The following CAPZA1 variants were observed in gnomAD, a reference collection of about 807,000 sequenced individuals.
CAPZA1 encodes the protein capping actin protein of muscle Z-line subunit alpha 1.
Under a neutral mutation model 40.8 loss-of-function variants are expected in CAPZA1, and 10 were observed. That is an observed-to-expected ratio of 0.25 (90% CI 0.15 to 0.42). CAPZA1 has a LOEUF of 0.42. Among genes scored for constraint, CAPZA1 ranks in the 10% least tolerant of loss-of-function variants. The pLI is 1.00. For synonymous variants in CAPZA1, 98 were observed against 115.0 expected, an observed-to-expected ratio of 0.85 and a Z score of 0.95; for missense variants, 277 against 353.8, an observed-to-expected ratio of 0.78 and a Z score of 1.74.
At chr1:112,653,900 A>G (rs1216271518) in intron 4 of CAPZA1, among the ~76,000 whole-genome samples, 2 of 152,238 alleles carry the variant, frequency 1.3e-5, no homozygotes, top group African/African-American at 4.8e-5. Flanking sequence ...TAAGTTTTAC[A>G]GGTTTTCCAG....
chr1:112,660,316 A>C (rs1475857375), intron 7 of CAPZA1, among the ~76,000 whole-genome samples: 8 of 152,028 alleles, frequency 5.3e-5, no homozygotes, highest in Non-Finnish European at 1.0e-4. Context: ...TTTTGCTCTT[A>C]TTGCCCAGGC....
intron 3 of CAPZA1, among the ~76,000 whole-genome samples, chr1:112,650,240 G>T (rs1358894596): frequency 6.6e-6 from 1 of 152,186 alleles, no homozygotes; most frequent in Admixed American, 6.5e-5. Context: ...CATTGGGTAT[G>T]ATATATAATT....
intron 3 of CAPZA1, among the ~76,000 whole-genome samples, chr1:112,650,790 A>G (rs760287507): frequency 5.9e-5 from 9 of 152,354 alleles, no homozygotes; most frequent in East Asian, 5.8e-4. Flanking sequence ...CCTCTTTCCA[A>G]TAGAACCAAA....
At chr1:112,645,549 A>G (rs1671262927) in intron 1 of CAPZA1, among the ~76,000 whole-genome samples, 1 of 152,082 alleles carries the variant, frequency 6.6e-6, no homozygotes, top group African/African-American at 2.4e-5. Flanking sequence ...CAGGAGGATC[A>G]CTTGAACCCA....
In CAPZA1 at chr1:112,669,533, C is replaced by G; in HGVS notation, c.658-10C>G. 1 of 1,595,764 alleles carries G rather than the reference C, an allele frequency of 6.3e-7. No homozygotes were observed. Among genetic ancestry groups the G allele is most frequent in the Non-Finnish European group, 8.6e-7 (1 of 1,164,162 alleles). On this transcript the variant is annotated splice_polypyrimidine_tract_variant and intron_variant, in intron 8 of 9. Coordinates refer to ENST00000263168, the MANE Select transcript of CAPZA1 (RefSeq NM_006135.3). ...AAATCTGATTTTCCCCTTCTTCCTT[C>G]CTTCATTAGAATGAAGCCCAAACTG...
Position 112,655,829 on chromosome 1 carries a change from C to G in CAPZA1, c.426+1158C>G, listed in dbSNP as rs149273698. 3.2e-4 allele frequency among the ~76,000 whole-genome samples: 48 copies of G among 152,288 alleles called. No homozygotes were observed. In the East Asian group the frequency reaches 7.7e-3, roughly 24 times the overall value. ...CCAGCTGCCTCGGACTCCCAAAGTGCTGGGATTACAGGCGTGAGCTGCTGC... is the reference window on the plus strand; with the variant it reads ...CCAGCTGCCTCGGACTCCCAAAGTGGTGGGATTACAGGCGTGAGCTGCTGC... On this transcript the variant is annotated intron_variant, in intron 5 of 9. Coordinates refer to ENST00000263168, the MANE Select transcript of CAPZA1 (RefSeq NM_006135.3).
intron 5 of CAPZA1, among the ~76,000 whole-genome samples, chr1:112,658,790 G>C (rs2932535): frequency 0.78 from 119,264 of 152,040 alleles, 47,015 homozygotes; most frequent in South Asian, 0.88. Context: ...CACCCGCCTT[G>C]TACCCCAAAC....
intron 1 of CAPZA1, among the ~76,000 whole-genome samples, chr1:112,644,597 A>G (rs1671247201): frequency 6.6e-6 from 1 of 152,166 alleles, no homozygotes; most frequent in East Asian, 1.9e-4. Context: ...AAATAAGTCA[A>G]CAGAGGATAA....
chr1:112,644,405 G>A (rs939338225), intron 1 of CAPZA1, among the ~76,000 whole-genome samples: 2 of 151,330 alleles, frequency 1.3e-5, no homozygotes, highest in Non-Finnish European at 2.9e-5. Context: ...TGGCCAGACT[G>A]GTCTTGAAGT....
At chr1:112,626,063 C>G (rs1338918561) in intron 1 of CAPZA1, 1 of 152,508 alleles carries the variant, frequency 6.6e-6, no homozygotes, top group Non-Finnish European at 1.5e-5. Flanking sequence ...GCATGTCCAC[C>G]TCATGTCCAC....
chr1:112,620,988 G>GT (rs1180864915), intron 1 of CAPZA1, among the ~76,000 whole-genome samples: 13 of 151,412 alleles, frequency 8.6e-5, no homozygotes, highest in Non-Finnish European at 1.8e-4. Flanking sequence ...CTACCTGGGT[G>GT]TTTTTTTCAA....
chr1:112,654,733 A>T, intron 5 of CAPZA1, 62 bp downstream of exon 5: 1 of 1,139,094 alleles, frequency 8.8e-7, no homozygotes, highest in East Asian at 2.4e-5. Flanking sequence ...TATCCTTTGG[A>T]GGCTTTGGCC....
intron 3 of CAPZA1, among the ~76,000 whole-genome samples, chr1:112,653,019 T>A (rs1264619527): frequency 2.6e-5 from 4 of 152,220 alleles, no homozygotes; most frequent in Non-Finnish European, 5.9e-5. Context: ...TCAGATGCCT[T>A]CTGACATTTA....
intron 4 of CAPZA1, 25 bp from the exon 5 acceptor site, chr1:112,654,440 C>G (rs1671458447): frequency 3.3e-6 from 5 of 1,498,886 alleles, no homozygotes; most frequent in Non-Finnish European, 4.6e-6. Flanking sequence ...TACAGTTACT[C>G]ATATGTTTAA....
At chr1:112,633,251 C>T (rs993136838) in intron 1 of CAPZA1, among the ~76,000 whole-genome samples, 21 of 152,268 alleles carry the variant, frequency 1.4e-4, no homozygotes, top group Admixed American at 5.9e-4. Context: ...TTCCCTGACC[C>T]CTCAGCCTCT....
At chr1:112,641,089 G>A (rs1459073132) in intron 1 of CAPZA1, among the ~76,000 whole-genome samples, 1 of 152,106 alleles carries the variant, frequency 6.6e-6, no homozygotes, top group African/African-American at 2.4e-5. Context: ...CGCTGCGGAA[G>A]GCCGCAGGGT....
chr1:112,654,026 G>C (rs1671451243), intron 4 of CAPZA1, among the ~76,000 whole-genome samples: 1 of 152,108 alleles, frequency 6.6e-6, no homozygotes. Flanking sequence ...TTTGGTGGTT[G>C]GGAAATGGGA....
Position 112,648,282 on chromosome 1 carries a change from T to C in CAPZA1, c.103+1009T>C, listed in dbSNP as rs193128008. Among the ~76,000 whole-genome samples the C allele has an allele frequency of 3.9e-5, 6 of 152,064 alleles. No individual in the cohort carries two copies. In the East Asian group the frequency reaches 1.2e-3, roughly 29 times the overall value. On this transcript the variant is annotated intron_variant, in intron 2 of 9. Coordinates refer to ENST00000263168, the MANE Select transcript of CAPZA1 (RefSeq NM_006135.3). ...GGAAACAAATGCAGCCTTTTTCTAG[T>C]CTTTTACATTGACTAAATGTAAATT...
At chr1:112,640,104 T>C (rs1671115615) in intron 1 of CAPZA1, among the ~76,000 whole-genome samples, 2 of 99,568 alleles carry the variant, frequency 2.0e-5, no homozygotes, top group Non-Finnish European at 4.1e-5. Flanking sequence ...GAGGAGCCCC[T>C]CTGCCCAGCC....
Sources: gnomAD v4.1 joint callset for allele counts (sites outside exome capture counted in the v4.1 genomes callset) on GRCh38, gnomAD v4.1.1 for gene constraint, MANE v1.5 for transcripts, NCBI Gene and HGNC (gene_info 2026-07-23, HGNC 2026-07-21) for gene names.